Variants in PI4K2B observed in about 807,000 individuals in gnomAD.
PI4K2B encodes phosphatidylinositol 4-kinase type 2 beta.
In PI4K2B, 46 loss-of-function variants were observed where a neutral mutation model predicts 56.6. That is an observed-to-expected ratio of 0.81 (90% CI 0.64 to 1.04). The LOEUF (loss-of-function observed/expected upper bound fraction) is 1.04. PI4K2B is among the 50% of genes least tolerant of loss of function. The pLI, the probability that PI4K2B is intolerant of heterozygous loss-of-function variation, is 0.00. For synonymous variants in PI4K2B, 211 were observed against 223.8 expected (o/e 0.94, Z 0.51); for missense variants, 556 against 607.7 (o/e 0.91, Z 0.89).
chr4:25,253,874 C>T (rs1238695743), intron 2 of PI4K2B, among the ~76,000 whole-genome samples: 3 of 152,168 alleles, frequency 2.0e-5, no homozygotes, highest in South Asian at 2.1e-4. Flanking sequence ...CGGGTTCAAG[C>T]GATTATCCTG....
chr4:25,255,121 A>C lies in PI4K2B; in HGVS notation c.480A>C (p.Pro160=). 1.9e-6 allele frequency: 3 copies of C among 1,614,082 alleles called. No homozygotes were observed. The highest frequency in any genetic ancestry group is 2.2e-5 in the East Asian group (1 of 44,890). ...AAGAGCCTTATGGTCAACTCAATCC[A>C]AAATGGACCAAATATGTCCATAAGG... is the stretch of plus-strand genomic sequence containing the variant. The part of the protein sequence containing the change: ...KSEEPYGQLN[P]KWTKYVHKVC... Residue 160 remains proline, a synonymous_variant, in exon 3 of 10, where the codon CCA becomes CCC. Coordinates refer to ENST00000264864, the MANE Select transcript of PI4K2B (RefSeq NM_018323.4).
intron 9 of PI4K2B, among the ~76,000 whole-genome samples, chr4:25,271,578 G>A (rs567558087): frequency 2.1e-4 from 32 of 152,242 alleles, no homozygotes; most frequent in Non-Finnish European, 4.0e-4. Context: ...GGTGATCAAT[G>A]ATTATAATCA....
At chr4:25,249,126 G>A (rs1362708739) in intron 1 of PI4K2B, among the ~76,000 whole-genome samples, 1 of 152,100 alleles carries the variant, frequency 6.6e-6, no homozygotes, top group Non-Finnish European at 1.5e-5. Context: ...CGCCGGGTTG[G>A]GGGTAAGGTT....
In PI4K2B at chr4:25,277,165, A is replaced by G. The variant is rs977476907; in HGVS notation, c.1424A>G (p.Lys475Arg). 1.9e-6 allele frequency: 3 copies of G among 1,612,850 alleles called. No individual in the cohort carries two copies. In the Admixed American group the frequency reaches 5.0e-5, roughly 27 times the overall value. ...TTTACCCAGACTGTCAATTGCAGGAAGCCATTTTTTTCCTCCTGGTAGTAA... is the reference window on the plus strand; with the variant it reads ...TTTACCCAGACTGTCAATTGCAGGAGGCCATTTTTTTCCTCCTGGTAGTAA... ...NSFTQTVNCR[K>R]PFFSSW is the part of the protein sequence containing the mutation. The change falls in exon 10 of 10, where the codon AAG becomes AGG. Residue 475 changes from lysine (K) to arginine (R), a missense_variant. Coordinates refer to ENST00000264864, the MANE Select transcript of PI4K2B (RefSeq NM_018323.4).
Position 25,234,208 on chromosome 4 carries a change from C to A in PI4K2B, c.45C>A (p.Gly15=). ...CCGACCGGTTGGCGTCCGCGGACGG[C>A]GGGAGCCCGGAGGAGGAGGAGGATG... The part of the protein sequence containing the change: ...SEPDRLASAD[G]GSPEEEEDGE... Residue 15 remains glycine (G), a synonymous_variant, in exon 1 of 10, where the codon GGC becomes GGA. Transcript: ENST00000264864. 7.1e-7 allele frequency: 1 copy of A among 1,408,018 alleles called. No individual in the cohort carries two copies. 87.2% of individuals were successfully genotyped at this position (1,408,018 alleles called of 1,614,324 possible). A position where few individuals can be genotyped will look rare whatever the true frequency, so the allele number is the denominator to read the frequency against.
At position 25,255,170 on chromosome 4, in the gene PI4K2B, C is replaced by T. The variant is rs771687570; in HGVS notation, c.529C>T (p.Arg177Ter). 18 of 1,613,958 alleles carry T rather than the reference C, an allele frequency of 1.1e-5. No homozygotes were observed. The highest frequency in any genetic ancestry group is 2.2e-5 in the South Asian group (2 of 91,092). The change falls in exon 3 of 10, where the codon CGA becomes TGA. Residue 177 changes from arginine (R) to a stop codon, truncating the protein, a stop_gained. Coordinates refer to ENST00000264864, the MANE Select transcript of PI4K2B (RefSeq NM_018323.4). LOFTEE classifies it high-confidence loss of function. ...HKVCCPCCFG[R>*]GCLIPNQGYL... The stretch of plus-strand genomic sequence containing the variant: ...GGTCTGCTGCCCTTGCTGCTTTGGC[C>T]GAGGCTGCCTGATTCCTAATCAGGG...
intron 1 of PI4K2B, among the ~76,000 whole-genome samples, chr4:25,249,730 C>G (rs1447844285): frequency 2.0e-5 from 3 of 151,870 alleles, no homozygotes; most frequent in Non-Finnish European, 4.4e-5. Context: ...CTCTTCACAT[C>G]TCAGACGGGG....
Position 25,278,375 on chromosome 4 carries a change from C to T in PI4K2B, c.*1188C>T, listed in dbSNP as rs1246635854. ...AGTTTCATTTTCTTGAGGCTTAAAA[C>T]CAATGTCACCACTTGGGCTTAACTG... On this transcript the variant is annotated 3_prime_UTR_variant, in exon 10 of 10. Transcript: ENST00000264864. 1 of 152,182 alleles carries T rather than the reference C, an allele frequency of 6.6e-6. No homozygotes were observed. Among genetic ancestry groups the T allele is most frequent in the East Asian group, 1.9e-4 (1 of 5,198 alleles). 9.4% of individuals were successfully genotyped at this position (152,182 alleles called of 1,614,324 possible).
chr4:25,234,077 C>A lies in PI4K2B; in HGVS notation c.-87C>A, dbSNP rs1475790206. 3 of 1,120,258 alleles carry A rather than the reference C, an allele frequency of 2.7e-6. No individual in the cohort carries two copies. Among genetic ancestry groups the A allele is most frequent in the South Asian group, 4.2e-5 (1 of 23,774 alleles). 69.4% of individuals were successfully genotyped at this position (1,120,258 alleles called of 1,614,324 possible). Reference sequence around the variant, plus strand: ...TGAGGTGGCGTCCGTTCTACCCGGTCGCTCCCGTTCCGCGCCATGCAGAGC... The same window carrying A: ...TGAGGTGGCGTCCGTTCTACCCGGTAGCTCCCGTTCCGCGCCATGCAGAGC... On this transcript the variant is annotated 5_prime_UTR_variant, in exon 1 of 10. Coordinates refer to ENST00000264864, the MANE Select transcript of PI4K2B (RefSeq NM_018323.4).
chr4:25,244,941 CT>C (rs1715694207), intron 1 of PI4K2B, among the ~76,000 whole-genome samples: 1 of 152,180 alleles, frequency 6.6e-6, no homozygotes, highest in Non-Finnish European at 1.5e-5. Flanking sequence ...GACTTTACCC[CT>C]GTCCTATAAA....
intron 7 of PI4K2B, chr4:25,267,982 A>T: frequency 5.0e-6 from 2 of 403,412 alleles, no homozygotes; most frequent in Non-Finnish European, 6.7e-6. Context: ...GCTACTTTTG[A>T]AGCTGAAGTG....
chr4:25,240,742 T>C (rs553651914), intron 1 of PI4K2B, among the ~76,000 whole-genome samples: 13 of 152,272 alleles, frequency 8.5e-5, no homozygotes, highest in African/African-American at 3.1e-4. Flanking sequence ...CCATCTCTCT[T>C]TCTTTCTCTT....
chr4:25,273,625 C>G (rs890560318), intron 9 of PI4K2B, among the ~76,000 whole-genome samples: 3 of 152,196 alleles, frequency 2.0e-5, no homozygotes, highest in African/African-American at 4.8e-5. Context: ...CCTGGCCAAT[C>G]GGCAACATTT....
intron 3 of PI4K2B, 134 bp from the exon 4 acceptor site, chr4:25,256,400 CTTTTCTGTT>C (rs1203236565): frequency 1.3e-6 from 1 of 761,118 alleles, no homozygotes; most frequent in East Asian, 2.8e-5. Flanking sequence ...AATTCCCTGG[CTTTTCTGTT>C]TTAGATTCTC....
chr4:25,249,961 C>T (rs1290117624), intron 1 of PI4K2B, among the ~76,000 whole-genome samples: 3 of 152,230 alleles, frequency 2.0e-5, no homozygotes, highest in Non-Finnish European at 4.4e-5. Flanking sequence ...ACTCCGTTTG[C>T]AATCCCGGCA....
At chr4:25,272,516 C>G (rs1437467200) in intron 9 of PI4K2B, among the ~76,000 whole-genome samples, 3 of 151,954 alleles carry the variant, frequency 2.0e-5, no homozygotes, top group African/African-American at 7.3e-5. Flanking sequence ...AAAAGTTGGT[C>G]TAAGGCCAGG....
At chr4:25,240,466 G>A (rs1715467782) in intron 1 of PI4K2B, among the ~76,000 whole-genome samples, 1 of 152,160 alleles carries the variant, frequency 6.6e-6, no homozygotes, top group South Asian at 2.1e-4. Context: ...TGTAGCAGTA[G>A]CCATTCCTAA....
rs181815761 is a variant in PI4K2B at position 25,238,903 on chromosome 4, T to C, written c.268+4472T>C. Among the ~76,000 whole-genome samples the C allele has an allele frequency of 2.7e-3, 407 of 152,240 alleles. 1 individual carries two copies. Among genetic ancestry groups the C allele is most frequent in the African/African-American group, 9.2e-3 (381 of 41,550 alleles). On this transcript the variant is annotated intron_variant, in intron 1 of 9. Coordinates refer to ENST00000264864, the MANE Select transcript of PI4K2B (RefSeq NM_018323.4). Reference sequence around the variant, plus strand: ...CCCTTATCTGGCCCCACCCACATCCTGCTGATTGGTCCATTTTACAGAGCA... The same window carrying C: ...CCCTTATCTGGCCCCACCCACATCCCGCTGATTGGTCCATTTTACAGAGCA...
At chr4:25,265,798 A>T (rs911626540) in intron 7 of PI4K2B, among the ~76,000 whole-genome samples, 1 of 152,220 alleles carries the variant, frequency 6.6e-6, no homozygotes, top group African/African-American at 2.4e-5. Context: ...TGGCCTATTT[A>T]GAGGATAGTA....
Sources: gnomAD v4.1 joint callset for allele counts (sites outside exome capture counted in the v4.1 genomes callset) on GRCh38, gnomAD v4.1.1 for gene constraint, MANE v1.5 for transcripts, NCBI Gene and HGNC (gene_info 2026-07-23, HGNC 2026-07-21) for gene names.